The following TACR1 variants were observed in gnomAD, a reference collection of about 807,000 sequenced individuals.
TACR1 encodes the protein substance-P receptor.
Under a neutral mutation model 35.8 loss-of-function variants are expected in TACR1, and 25 were observed. The ratio of observed to expected loss-of-function variants is 0.70; its 90% CI spans 0.51 to 0.98. The LOEUF is 0.98. Among genes scored for constraint, TACR1 ranks in the 50% least tolerant of loss-of-function variants. The pLI is 0.00. For missense variants in TACR1, 478 were observed against 522.9 expected (o/e 0.91, Z 0.84); for synonymous variants, 195 against 206.7 (o/e 0.94, Z 0.48).
chr2:75,089,551 T>G (rs1406505238), intron 2 of TACR1, among the ~76,000 whole-genome samples: 1 of 152,228 alleles, frequency 6.6e-6, no homozygotes, highest in Admixed American at 6.5e-5. Flanking sequence ...CCTTAGAGAC[T>G]AAGGCAATGG....
chr2:75,051,003 C>T (rs997239524), intron 4 of TACR1: 1 of 532,858 alleles, frequency 1.9e-6, no homozygotes, highest in African/African-American at 1.9e-5. Flanking sequence ...AATCAGAAGA[C>T]TTTGGACAAT....
At chr2:75,155,835 A>G (rs1025247883) in intron 1 of TACR1, among the ~76,000 whole-genome samples, 1 of 152,266 alleles carries the variant, frequency 6.6e-6, no homozygotes, top group Non-Finnish European at 1.5e-5. Context: ...ATCAAAAAGG[A>G]ATCAAGATGG....
At chr2:75,178,060 C>T (rs1330540922) in intron 1 of TACR1, among the ~76,000 whole-genome samples, 6 of 152,116 alleles carry the variant, frequency 3.9e-5, no homozygotes, top group Non-Finnish European at 8.8e-5. Flanking sequence ...ATATGTCCAC[C>T]TTCCCTCTAG....
chr2:75,075,885 T>G (rs1672966013), intron 2 of TACR1, among the ~76,000 whole-genome samples: 1 of 152,222 alleles, frequency 6.6e-6, no homozygotes, highest in Admixed American at 6.5e-5. Context: ...ATGTCCAACA[T>G]TAGGAATTCA....
At position 75,049,592 on chromosome 2, in the gene TACR1, T is replaced by C. The variant is rs1672428346; in HGVS notation, c.1064A>G (p.Glu355Gly). Residue 355 changes from glutamate to glycine, a missense_variant, in exon 5 of 5, where the codon GAG becomes GGG. Glu to Gly is a moderately conservative substitution (Grantham distance 98, BLOSUM62 -2). Coordinates refer to ENST00000305249, the MANE Select transcript of TACR1 (RefSeq NM_001058.4). ...QGSVYKVSRL[E>G]TTISTVVGAH... ...CCCCACCACTGTGGAGATGGTGGTC[T>C]CCAGGCGGCTGACTTTGTACACACT... The C allele has an allele frequency of 6.2e-7, 1 of 1,614,122 alleles. No individual in the cohort carries two copies. The highest frequency in any genetic ancestry group is 1.7e-5 in the Admixed American group (1 of 60,030).
chr2:75,145,772 T>C (rs1258369011), intron 1 of TACR1, among the ~76,000 whole-genome samples: 1 of 152,234 alleles, frequency 6.6e-6, no homozygotes, highest in East Asian at 1.9e-4. Context: ...AATACTGCAC[T>C]GTTGGAATAC....
intron 2 of TACR1, among the ~76,000 whole-genome samples, chr2:75,070,142 T>C (rs1379032527): frequency 6.6e-6 from 1 of 152,196 alleles, no homozygotes; most frequent in Non-Finnish European, 1.5e-5. Flanking sequence ...CAATATTATG[T>C]CATTTATTTT....
chr2:75,089,003 T>A (rs185841878), intron 2 of TACR1, among the ~76,000 whole-genome samples: 8 of 152,300 alleles, frequency 5.3e-5, no homozygotes, highest in Non-Finnish European at 1.0e-4. Context: ...GGGATGCATG[T>A]AGGCACTTTT....
intron 2 of TACR1, among the ~76,000 whole-genome samples, chr2:75,116,547 T>C (rs1673863644): frequency 6.6e-6 from 1 of 152,192 alleles, no homozygotes; most frequent in Admixed American, 6.5e-5. Flanking sequence ...TTTTTTAGGG[T>C]AATTACCTGC....
chr2:75,079,736 CTTT>C (rs11367021), intron 2 of TACR1, among the ~76,000 whole-genome samples: 15 of 114,166 alleles, frequency 1.3e-4, no homozygotes, highest in African/African-American at 1.3e-4. Context: ...AACCTAATGC[CTTT>C]TTTTTTTTTT....
At chr2:75,156,558 A>G (rs961363543) in intron 1 of TACR1, among the ~76,000 whole-genome samples, 1 of 148,194 alleles carries the variant, frequency 6.7e-6, no homozygotes, top group East Asian at 2.0e-4. Flanking sequence ...AGTGGAGATC[A>G]TGCCACTGCC....
In TACR1 at chr2:75,154,870, C is replaced by T. The variant is rs72920639; in HGVS notation, c.390-34102G>A. ...TCCCTCCTTTCGGCCCATCCTCTGC[C>T]ACTGGCTTCCAAGTTCGCATTTGGC... is the stretch of plus-strand genomic sequence containing the variant. On this transcript the variant is annotated intron_variant, in intron 1 of 4. Transcript: ENST00000305249. Among the ~76,000 whole-genome samples, 405 of 152,276 alleles carry T rather than the reference C, an allele frequency of 2.7e-3. 1 individual carries two copies. Among genetic ancestry groups the T allele is most frequent in the African/African-American group, 9.2e-3 (384 of 41,548 alleles).
intron 1 of TACR1, among the ~76,000 whole-genome samples, chr2:75,148,321 T>C (rs575759457): frequency 6.0e-4 from 91 of 152,326 alleles, no homozygotes; most frequent in African/African-American, 2.2e-3. Flanking sequence ...GTTGAATCAA[T>C]TTACATTCCC....
intron 1 of TACR1, among the ~76,000 whole-genome samples, chr2:75,158,008 C>T (rs1674905947): frequency 1.3e-5 from 2 of 152,182 alleles, no homozygotes. Flanking sequence ...CTCATTATTA[C>T]CTCATAGGTT....
intron 2 of TACR1, among the ~76,000 whole-genome samples, chr2:75,071,165 A>G (rs184229673): frequency 2.6e-5 from 4 of 152,276 alleles, no homozygotes; most frequent in South Asian, 2.1e-4. Flanking sequence ...TCAAATATCT[A>G]CTACTTGGCC....
chr2:75,107,008 G>C (rs1035494737), intron 2 of TACR1, among the ~76,000 whole-genome samples: 11 of 151,350 alleles, frequency 7.3e-5, no homozygotes, highest in African/African-American at 2.7e-4. Flanking sequence ...GTATGTAAGA[G>C]GAATTCTCAC....
At chr2:75,177,715 T>C (rs1675459587) in intron 1 of TACR1, among the ~76,000 whole-genome samples, 1 of 152,162 alleles carries the variant, frequency 6.6e-6, no homozygotes, top group South Asian at 2.1e-4. Flanking sequence ...TTTACTCCTC[T>C]CACAAAACCC....
intron 2 of TACR1, among the ~76,000 whole-genome samples, chr2:75,067,929 G>T (rs1180839086): frequency 6.6e-6 from 1 of 152,216 alleles, no homozygotes; most frequent in East Asian, 1.9e-4. Flanking sequence ...GAAGGGGTTA[G>T]GCAGGGTGGG....
At chr2:75,135,600 C>T (rs1485968008) in intron 1 of TACR1, among the ~76,000 whole-genome samples, 2 of 152,178 alleles carry the variant, frequency 1.3e-5, no homozygotes, top group Non-Finnish European at 2.9e-5. Flanking sequence ...GCAGTGGCGT[C>T]GGCTTAATAG....
Sources: gnomAD v4.1 joint callset for allele counts (sites outside exome capture counted in the v4.1 genomes callset) on GRCh38, gnomAD v4.1.1 for gene constraint, MANE v1.5 for transcripts, NCBI Gene and HGNC (gene_info 2026-07-23, HGNC 2026-07-21) for gene names.